ATXN7: variants seen among roughly 807,000 people sequenced by gnomAD.
The protein encoded by ATXN7 is ataxin 7.
In ATXN7, 12 loss-of-function variants were observed where a neutral mutation model predicts 70.5. The ratio of observed to expected loss-of-function variants is 0.17; its 90% CI spans 0.11 to 0.28. The LOEUF is 0.28. Ranked by LOEUF, ATXN7 falls within the 10% of genes least tolerant of loss-of-function variation. The pLI is 1.00. For missense variants in ATXN7, 1,256 were observed against 1,131.7 expected, an observed-to-expected ratio of 1.11 and a Z score of -1.58; for synonymous variants, 498 against 448.7, an observed-to-expected ratio of 1.11 and a Z score of -1.39.
chr3:63,902,841 C>T (rs1575869010), intron 2 of ATXN7, among the ~76,000 whole-genome samples: 2 of 151,558 alleles, frequency 1.3e-5, no homozygotes, highest in Admixed American at 1.3e-4. Context: ...AGAGTTTCTT[C>T]TTCAAAAAAA....
chr3:63,911,786 C>G (rs1704022104), intron 2 of ATXN7: 1 of 152,262 alleles, frequency 6.6e-6, no homozygotes, highest in African/African-American at 2.4e-5. Context: ...TGGGCAGACA[C>G]CTGGGAGGCA....
chr3:63,925,517 C>T (rs1704682989), intron 4 of ATXN7, among the ~76,000 whole-genome samples: 1 of 152,160 alleles, frequency 6.6e-6, no homozygotes, highest in Non-Finnish European at 1.5e-5. Context: ...TTATGAGAAT[C>T]TAATGCCTGA....
In ATXN7 at chr3:63,925,897, G is replaced by A. The variant is rs534770669; in HGVS notation, c.394+12672G>A. On this transcript the variant is annotated intron_variant, in intron 4 of 12. Transcript: ENST00000674280. ...CTGGAACTTGTTGCAGCCTTGGCAGGTAGGTAGTGGAGGACAGGAGATGGG... is the reference window on the plus strand; with the variant it reads ...CTGGAACTTGTTGCAGCCTTGGCAGATAGGTAGTGGAGGACAGGAGATGGG... Among the ~76,000 whole-genome samples, 15 of 152,252 alleles carry A rather than the reference G, an allele frequency of 9.9e-5. No homozygotes were observed. In the South Asian group the frequency reaches 1.7e-3, roughly 17 times the overall value.
At chr3:63,930,841 T>C (rs1704924782) in intron 4 of ATXN7, among the ~76,000 whole-genome samples, 1 of 152,126 alleles carries the variant, frequency 6.6e-6, no homozygotes, top group Non-Finnish European at 1.5e-5. Context: ...GTTTACAAAA[T>C]TTTTAATGGA....
Position 63,973,093 on chromosome 3 carries a change from A to G in ATXN7, c.500-6822A>G, listed in dbSNP as rs116459154. ...GGCTTGGCAACTGAAGACGCTGCCA[A>G]CGAGGATGGAGTGAGCTGGTTGCCC... On this transcript the variant is annotated intron_variant, in intron 5 of 12. Transcript: ENST00000674280. Among the ~76,000 whole-genome samples the G allele has an allele frequency of 7.9e-3, 1,210 of 152,308 alleles. 20 individuals carry two copies. Among genetic ancestry groups the G allele is most frequent in the African/African-American group, 0.025 (1,042 of 41,570 alleles).
intron 4 of ATXN7, among the ~76,000 whole-genome samples, chr3:63,943,677 G>T (rs905671723): frequency 6.6e-6 from 1 of 152,162 alleles, no homozygotes; most frequent in Non-Finnish European, 1.5e-5. Flanking sequence ...CACAACTTGA[G>T]TTCTTCTATT....
At chr3:63,939,335 A>G (rs918415401) in intron 4 of ATXN7, among the ~76,000 whole-genome samples, 1 of 152,064 alleles carries the variant, frequency 6.6e-6, no homozygotes, top group East Asian at 1.9e-4. Flanking sequence ...TTTCTTTGTC[A>G]TCTCACTGCC....
intron 1 of ATXN7, among the ~76,000 whole-genome samples, chr3:63,872,298 G>C (rs1288651986): frequency 6.6e-6 from 1 of 152,198 alleles, no homozygotes; most frequent in Non-Finnish European, 1.5e-5. Context: ...CCAAAAGTTT[G>C]TGGCTTAAAA....
At chr3:63,980,320 G>A (rs2106753824) in intron 6 of ATXN7, 153 bp downstream of exon 6, 1 of 1,107,364 alleles carries the variant, frequency 9.0e-7, no homozygotes. Context: ...ATGTTTCCCT[G>A]TCATGTCATA....
At chr3:63,872,109 C>A (rs1333727865) in intron 1 of ATXN7, among the ~76,000 whole-genome samples, 1 of 152,146 alleles carries the variant, frequency 6.6e-6, no homozygotes, top group Non-Finnish European at 1.5e-5. Flanking sequence ...CAACATTGAT[C>A]TAGCCTTGAC....
chr3:63,931,928 A>G (rs1285270097), intron 4 of ATXN7, among the ~76,000 whole-genome samples: 1 of 152,188 alleles, frequency 6.6e-6, no homozygotes, highest in Non-Finnish European at 1.5e-5. Flanking sequence ...GGGATTCTCA[A>G]ACTGGGGTTA....
intron 8 of ATXN7, among the ~76,000 whole-genome samples, chr3:63,987,390 A>C (rs2075594895): frequency 6.6e-6 from 1 of 152,024 alleles, no homozygotes; most frequent in South Asian, 2.1e-4. Flanking sequence ...CCATTTCCTT[A>C]ATTTCCATAG....
chr3:63,941,717 G>A (rs895867599), intron 4 of ATXN7, among the ~76,000 whole-genome samples: 13 of 152,006 alleles, frequency 8.6e-5, no homozygotes, highest in African/African-American at 2.7e-4. Context: ...TTGGTCTCTC[G>A]TTGGTTCCAT....
intron 5 of ATXN7, among the ~76,000 whole-genome samples, chr3:63,974,421 C>G (rs1007773835): frequency 1.3e-5 from 2 of 152,226 alleles, no homozygotes; most frequent in African/African-American, 4.8e-5. Flanking sequence ...TATCCCTGCC[C>G]CTCCATCATG....
intron 4 of ATXN7, among the ~76,000 whole-genome samples, chr3:63,927,578 A>G (rs1309622930): frequency 6.6e-6 from 1 of 152,216 alleles, no homozygotes; most frequent in Admixed American, 6.5e-5. Flanking sequence ...TTGAGTAACA[A>G]TAAGCCGTGA....
At chr3:63,913,427 CCTT>C (rs1489625297) in intron 4 of ATXN7, among the ~76,000 whole-genome samples, 1 of 152,108 alleles carries the variant, frequency 6.6e-6, no homozygotes, top group African/African-American at 2.4e-5. Context: ...CGTCCGGAAT[CCTT>C]CTGTGACCAG....
chr3:63,868,653 G>A (rs1467121196), intron 1 of ATXN7, among the ~76,000 whole-genome samples: 1 of 152,038 alleles, frequency 6.6e-6, no homozygotes, highest in Admixed American at 6.6e-5. Flanking sequence ...GCAGAGGGGA[G>A]GACATGGATG....
chr3:63,981,525 G>A (rs148374539), intron 6 of ATXN7, among the ~76,000 whole-genome samples: 37 of 152,318 alleles, frequency 2.4e-4, no homozygotes, highest in African/African-American at 8.7e-4. Context: ...AAATGATAGT[G>A]TCAGTAAGAT....
intron 12 of ATXN7, 189 bp from the exon 13 acceptor site, chr3:63,999,261 C>T: frequency 1.7e-6 from 1 of 571,496 alleles, no homozygotes; most frequent in Non-Finnish European, 3.1e-6. Context: ...AATGATTGTG[C>T]CCAGTAGTAG....
Sources: gnomAD v4.1 joint callset for allele counts (sites outside exome capture counted in the v4.1 genomes callset) on GRCh38, gnomAD v4.1.1 for gene constraint, MANE v1.5 for transcripts, NCBI Gene and HGNC (gene_info 2026-07-23, HGNC 2026-07-21) for gene names.